Variants in GPHN observed in about 807,000 individuals in gnomAD.
GPHN encodes the protein gephyrin.
In GPHN, 17 loss-of-function variants were observed where a neutral mutation model predicts 95.5. The observed-to-expected ratio is 0.18, with a 90% CI of 0.12 to 0.27. The LOEUF is 0.27. GPHN is among the 10% of genes least tolerant of loss of function. The pLI is 1.00. For missense variants in GPHN, 660 were observed against 978.1 expected (o/e 0.67, Z 4.34); for synonymous variants, 320 against 322.5 (o/e 0.99, Z 0.08).
At chr14:67,070,715 A>AAAAAATATATATATATAT in intron 11 of GPHN, among the ~76,000 whole-genome samples, 1 of 80,696 alleles carries the variant, frequency 1.2e-5, no homozygotes, top group African/African-American at 1.3e-4. Context: ...AAAAAAAAAA[A>AAAAAATATATATATATAT]ATATATATAT....
the GPHN span, among the ~76,000 whole-genome samples, chr14:67,506,734 C>G: frequency 2.0e-5 from 3 of 152,140 alleles, no homozygotes; most frequent in South Asian, 6.2e-4. Context: ...GCCTGTAATC[C>G]CAACACTTTG....
chr14:66,669,256 C>G (rs992790150), intron 1 of GPHN, among the ~76,000 whole-genome samples: 2 of 151,328 alleles, frequency 1.3e-5, no homozygotes, highest in Non-Finnish European at 2.9e-5. Context: ...CCCAGCTACT[C>G]AGGAGGCTGA....
At chr14:67,182,920 A>G (rs2083344253), downstream of GPHN, among the ~76,000 whole-genome samples, 1 of 143,846 alleles carries the variant, frequency 7.0e-6, no homozygotes, top group South Asian at 2.2e-4. Context: ...GTCCTAGTGC[A>G]CTACAGCCTC....
chr14:66,916,060 A>T lies in GPHN; in HGVS notation c.447A>T (p.Lys149Asn). 6.3e-7 allele frequency: 1 copy of T among 1,585,704 alleles called. No homozygotes were observed. ...TAATTAACCTGCCAGGTAGCAAGAA[A>T]GGATCTCAGGTAAATCACCTGGACA... ...TLIINLPGSK[K>N]GSQECFQFIL... Residue 149 changes from lysine to asparagine, a missense_variant, in exon 6 of 23, where the codon AAA becomes AAT. Lys to Asn is a moderately conservative substitution (Grantham distance 94). This residue lies in a region of GPHN where 71 missense variants were observed against 130.8 expected (regional missense o/e 0.54). Transcript: ENST00000478722.
chr14:67,307,321 G>T, the GPHN span, among the ~76,000 whole-genome samples: 1 of 152,130 alleles, frequency 6.6e-6, no homozygotes, highest in East Asian at 1.9e-4. Context: ...ATAATATGTA[G>T]GGAGGGCATA....
chr14:67,254,721 C>G, the GPHN span, among the ~76,000 whole-genome samples: 11 of 152,302 alleles, frequency 7.2e-5, no homozygotes, highest in Admixed American at 3.3e-4. Flanking sequence ...AACTATCCCC[C>G]CACCTGCCTT....
intron 9 of GPHN, among the ~76,000 whole-genome samples, chr14:67,017,208 C>T (rs899676179): frequency 2.2e-4 from 34 of 151,954 alleles, no homozygotes; most frequent in African/African-American, 7.7e-4. Flanking sequence ...TATTATTAAA[C>T]TCAAATAAGC....
chr14:66,517,552 T>C lies in GPHN; in HGVS notation c.64+8961T>C, dbSNP rs1240876251. Among the ~76,000 whole-genome samples the C allele has an allele frequency of 2.0e-5, 3 of 151,662 alleles. 1 individual carries two copies. The East Asian group carries it at 5.8e-4, about 29-fold the overall frequency. ...TCAGACTTTAAAATATACTACAGAGTGATAGTAACCAAAACAGCATGGTAC... is the reference window on the plus strand; with the variant it reads ...TCAGACTTTAAAATATACTACAGAGCGATAGTAACCAAAACAGCATGGTAC... On this transcript the variant is annotated intron_variant, in intron 1 of 22. Transcript: ENST00000478722.
intron 8 of GPHN, among the ~76,000 whole-genome samples, chr14:66,950,297 A>G (rs1315166389): frequency 1.3e-5 from 2 of 152,118 alleles, no homozygotes; most frequent in South Asian, 2.1e-4. Context: ...TACAAATTCT[A>G]CTTGCTCAAG....
intron 8 of GPHN, among the ~76,000 whole-genome samples, chr14:66,935,404 A>C (rs1245020219): frequency 6.6e-6 from 1 of 151,458 alleles, no homozygotes; most frequent in Non-Finnish European, 1.5e-5. Flanking sequence ...TACGGAAAAA[A>C]CAATATTTTT....
chr14:67,695,755 A>C, the GPHN span: 39 of 1,555,162 alleles, frequency 2.5e-5, no homozygotes, highest in Middle Eastern at 6.9e-4. Context: ...TTGCTCGCCG[A>C]CTATGGCTTC....
the GPHN span, chr14:67,562,174 C>T: frequency 6.2e-7 from 1 of 1,611,438 alleles, no homozygotes; most frequent in African/African-American, 1.3e-5. Flanking sequence ...TGCTGGTGCC[C>T]CCCTACGGAG....
the GPHN span, among the ~76,000 whole-genome samples, chr14:67,667,798 G>A: frequency 6.6e-6 from 1 of 152,072 alleles, no homozygotes; most frequent in South Asian, 2.1e-4. Flanking sequence ...CAAAAACTTA[G>A]CCCGGCGTGG....
At chr14:67,645,346 A>C in the GPHN span, among the ~76,000 whole-genome samples, 12 of 152,090 alleles carry the variant, frequency 7.9e-5, no homozygotes, top group African/African-American at 2.9e-4. Flanking sequence ...CAAATATTTG[A>C]GGTTCTTTTC....
chr14:66,638,324 C>T (rs1447930069), intron 1 of GPHN, among the ~76,000 whole-genome samples: 3 of 152,100 alleles, frequency 2.0e-5, no homozygotes, highest in Non-Finnish European at 2.9e-5. Flanking sequence ...ATCTTAGCTA[C>T]TCAGGAGGCT....
At chr14:67,600,032 G>A in the GPHN span, 5 of 1,569,758 alleles carry the variant, frequency 3.2e-6, no homozygotes, top group Admixed American at 5.6e-5. Flanking sequence ...ACCTCGCAGA[G>A]GGTGAAGAGT....
chr14:67,072,603 A>G (rs1354060915), intron 11 of GPHN, among the ~76,000 whole-genome samples: 2 of 152,148 alleles, frequency 1.3e-5, no homozygotes, highest in Non-Finnish European at 2.9e-5. Context: ...AGAGACACAA[A>G]GATTCTAATC....
chr14:67,232,156 T>C, the GPHN span, among the ~76,000 whole-genome samples: 3 of 152,042 alleles, frequency 2.0e-5, no homozygotes, highest in African/African-American at 7.2e-5. Flanking sequence ...AAGATGGCAG[T>C]GGTGGTGTGT....
At chr14:67,138,634 T>G (rs547729675) in intron 17 of GPHN, among the ~76,000 whole-genome samples, 1 of 152,242 alleles carries the variant, frequency 6.6e-6, no homozygotes, top group East Asian at 1.9e-4. Flanking sequence ...GATGGATACA[T>G]GGGTGTTTGT....
Sources: gnomAD v4.1 joint callset for allele counts (sites outside exome capture counted in the v4.1 genomes callset) on GRCh38, gnomAD v4.1.1 for gene constraint, gnomAD v4.1.1 regional missense constraint, MANE v1.5 for transcripts, NCBI Gene and HGNC (gene_info 2026-07-23, HGNC 2026-07-21) for gene names.